PCDHGA9: variants seen among roughly 807,000 people sequenced by gnomAD.
PCDHGA9 encodes protocadherin gamma-A9.
PCDHGA9 carries 37 observed loss-of-function variants against 62.5 expected under a neutral mutation model. The observed-to-expected ratio is 0.59, with a 90% CI of 0.46 to 0.78. The LOEUF (loss-of-function observed/expected upper bound fraction) is 0.78, where lower values mean the gene tolerates loss of function less well. Ranked by LOEUF, PCDHGA9 falls within the 30% of genes least tolerant of loss-of-function variation. The probability of loss-of-function intolerance (pLI) is 0.00; values close to 1 mark genes in which losing one functional copy is unlikely to be tolerated. For synonymous variants in PCDHGA9, 459 were observed against 484.6 expected (o/e 0.95, Z 0.69); for missense variants, 1,138 against 1,166.2 (o/e 0.98, Z 0.35).
intron 1 of PCDHGA9, chr5:141,442,490 T>C (rs2098328971): frequency 6.6e-6 from 1 of 152,222 alleles, no homozygotes; most frequent in South Asian, 2.1e-4. Flanking sequence ...AAGGGGATGA[T>C]TGTGATTATT....
chr5:141,426,363 C>T (rs994657779), intron 1 of PCDHGA9: 12 of 202,404 alleles, frequency 5.9e-5, no homozygotes, highest in East Asian at 4.4e-4. Context: ...CTTTGTTCTG[C>T]GGGGCACCCT....
Position 141,486,239 on chromosome 5 carries a change from C to G in PCDHGA9, c.2425-8568C>G, listed in dbSNP as rs751510109. On this transcript the variant is annotated intron_variant, in intron 1 of 3. Transcript: ENST00000573521. The surrounding 1 kb of genome is among the most constrained non-coding windows in gnomAD (Gnocchi z 5.0). ...CCCTTACATCACAGTGACCTCAGAG[C>G]TTGGAACCCTCCCCGAGAGTGCAGA... 6.2e-7 allele frequency: 1 copy of G among 1,614,160 alleles called. No individual in the cohort carries two copies. Among genetic ancestry groups the G allele is most frequent in the Admixed American group, 1.7e-5 (1 of 60,020 alleles).
rs771884610 is a variant in PCDHGA9, at chr5:141,491,436, G to T, written c.2425-3371G>T. 1 of 1,614,070 alleles carries T rather than the reference G, an allele frequency of 6.2e-7. No individual in the cohort carries two copies. ...ACGGGGGTGGAGGGCAGTGCTGCAGGCGCCAGGACTCACCCTCCCCGGACT... is the reference window on the plus strand; with the variant it reads ...ACGGGGGTGGAGGGCAGTGCTGCAGTCGCCAGGACTCACCCTCCCCGGACT... On this transcript the variant is annotated intron_variant, in intron 1 of 3. Coordinates refer to ENST00000573521, the MANE Select transcript of PCDHGA9 (RefSeq NM_018921.3). The surrounding 1 kb of genome is among the most constrained non-coding windows in gnomAD (Gnocchi z 6.9).
Position 141,485,856 on chromosome 5 carries a change from T to C in PCDHGA9, c.2425-8951T>C. ...CCGCCGAGATCTGGCACCGCAGAGC[T>C]CCGGGTATCCGTGCTGGACGTAAAC... is the stretch of plus-strand genomic sequence containing the variant. On this transcript the variant is annotated intron_variant, in intron 1 of 3. Coordinates refer to ENST00000573521, the MANE Select transcript of PCDHGA9 (RefSeq NM_018921.3). The surrounding 1 kb of genome is among the most constrained non-coding windows in gnomAD (Gnocchi z 5.7). 1 of 1,614,108 alleles carries C rather than the reference T, an allele frequency of 6.2e-7. No individual in the cohort carries two copies. The highest frequency in any genetic ancestry group is 8.5e-7 in the Non-Finnish European group (1 of 1,180,014).
rs376101780 is a variant in PCDHGA9, at chr5:141,485,901, A to G, written c.2425-8906A>G. 3 of 1,614,026 alleles carry G rather than the reference A, an allele frequency of 1.9e-6. No homozygotes were observed. In the African/African-American group the frequency reaches 4.0e-5, roughly 22 times the overall value. Reference sequence around the variant, plus strand: ...GTAAACGACAACGCCCCAGCCTTCCAGCAATCCAGCTACAGGATTAGTGTG... The same window carrying G: ...GTAAACGACAACGCCCCAGCCTTCCGGCAATCCAGCTACAGGATTAGTGTG... On this transcript the variant is annotated intron_variant, in intron 1 of 3. Coordinates refer to ENST00000573521, the MANE Select transcript of PCDHGA9 (RefSeq NM_018921.3). This position sits in a 1 kb window ranked among gnomAD's most constrained non-coding sequence, Gnocchi z 5.7.
intron 1 of PCDHGA9, chr5:141,418,422 G>A: frequency 6.2e-7 from 1 of 1,613,996 alleles, no homozygotes; most frequent in East Asian, 2.2e-5. Context: ...AATCCTGATG[G>A]TGGCAAATAT....
chr5:141,414,334 A>G, intron 1 of PCDHGA9: 6 of 1,613,782 alleles, frequency 3.7e-6, no homozygotes, highest in Non-Finnish European at 5.1e-6. Flanking sequence ...TGGACAGGTA[A>G]CCTGTTCCAT....
chr5:141,437,355 A>C (rs2097877902), intron 1 of PCDHGA9, among the ~76,000 whole-genome samples: 1 of 152,238 alleles, frequency 6.6e-6, no homozygotes, highest in Non-Finnish European at 1.5e-5. Flanking sequence ...ATAGTACCTA[A>C]AATTGGAATG....
rs2099085120 is a variant in PCDHGA9, at chr5:141,464,455, T to C, written c.2425-30352T>C. Among the ~76,000 whole-genome samples, 2 of 151,794 alleles carry C rather than the reference T, an allele frequency of 1.3e-5. 1 individual carries two copies. Among genetic ancestry groups the C allele is most frequent in the Non-Finnish European group, 2.9e-5 (2 of 67,958 alleles). On this transcript the variant is annotated intron_variant, in intron 1 of 3. Coordinates refer to ENST00000573521, the MANE Select transcript of PCDHGA9 (RefSeq NM_018921.3). ...TATATGTTTGTTGTTGTTGTTGTTA[T>C]TTTTGAAGTATGTACGTATAATAAA...
intron 1 of PCDHGA9, among the ~76,000 whole-genome samples, chr5:141,452,745 GGAA>G (rs2098748194): frequency 6.6e-6 from 1 of 152,054 alleles, no homozygotes; most frequent in Non-Finnish European, 1.5e-5. Flanking sequence ...AGAGAGAGAA[GGAA>G]GAAGGAAGGG....
chr5:141,447,168 T>C (rs1027377060), intron 1 of PCDHGA9, among the ~76,000 whole-genome samples: 2 of 152,174 alleles, frequency 1.3e-5, no homozygotes, highest in Non-Finnish European at 2.9e-5. Context: ...AAGCGGGGTC[T>C]TGCTCTTGTC....
intron 1 of PCDHGA9, chr5:141,408,120 C>T (rs1375123891): frequency 3.4e-6 from 5 of 1,475,704 alleles, no homozygotes. Flanking sequence ...TCCTCCTGTC[C>T]TGGGCCGAAT....
At position 141,500,184 on chromosome 5, in the gene PCDHGA9, TTTTATTTATTTATTTA is replaced by T. The variant is rs58019021; in HGVS notation, c.2484-5182_2484-5167del. Among the ~76,000 whole-genome samples the T allele has an allele frequency of 2.1e-3, 289 of 135,964 alleles. 1 individual carries two copies. Among genetic ancestry groups the T allele is most frequent in the Middle Eastern group, 0.016 (4 of 248 alleles). The allele number at this position is 135,964 out of a possible 152,430, so 89.2% of individuals were successfully genotyped here. A position where few individuals can be genotyped will look rare whatever the true frequency, so the allele number is the denominator to read the frequency against. On this transcript the variant is annotated intron_variant, in intron 2 of 3. Coordinates refer to ENST00000573521, the MANE Select transcript of PCDHGA9 (RefSeq NM_018921.3). ...GAACATGCATGAGCTTCATTTTTAT[TTTTATTTATTTATTTA>T]TTTATTTATTTATTTATTTATTTAT...
chr5:141,511,428 G>T lies in PCDHGA9; in HGVS notation c.*255G>T. 1 of 769,024 alleles carries T rather than the reference G, an allele frequency of 1.3e-6. No homozygotes were observed. The highest frequency in any genetic ancestry group is 2.0e-6 in the Non-Finnish European group (1 of 504,448). 47.6% of individuals were successfully genotyped at this position (769,024 alleles called of 1,614,324 possible). ...ACTGCTGTACCCATGGGGGTAGTGG[G>T]GTTACTGTAGACACCAAGAACCATT... On this transcript the variant is annotated 3_prime_UTR_variant, in exon 4 of 4. Transcript: ENST00000573521.
chr5:141,456,229 C>G (rs191169523), intron 1 of PCDHGA9, among the ~76,000 whole-genome samples: 9 of 152,234 alleles, frequency 5.9e-5, no homozygotes, highest in African/African-American at 1.7e-4. Context: ...ATCAAACTAA[C>G]TGCTGTTAGG....
intron 1 of PCDHGA9, among the ~76,000 whole-genome samples, chr5:141,464,222 G>A (rs1189319398): frequency 2.7e-5 from 4 of 147,818 alleles, no homozygotes; most frequent in African/African-American, 7.5e-5. Flanking sequence ...CTGAGATTGC[G>A]CCACTGCACT....
intron 1 of PCDHGA9, chr5:141,441,621 G>C (rs2098260273): frequency 9.0e-6 from 2 of 223,292 alleles, no homozygotes; most frequent in Non-Finnish European, 1.8e-5. Flanking sequence ...CGTGGCCAGT[G>C]ACCTGGAGCC....
Position 141,477,029 on chromosome 5 carries a change from A to G in PCDHGA9, c.2425-17778A>G. 6.2e-7 allele frequency: 1 copy of G among 1,614,238 alleles called. No homozygotes were observed. The highest frequency in any genetic ancestry group is 8.5e-7 in the Non-Finnish European group (1 of 1,180,040). ...CTTAGACCTTGTAACCGGGATGCTG[A>G]CAATCAAGGGTCGGCTGGACTTCGA... On this transcript the variant is annotated intron_variant, in intron 1 of 3. Coordinates refer to ENST00000573521, the MANE Select transcript of PCDHGA9 (RefSeq NM_018921.3). The surrounding 1 kb of genome is among the most constrained non-coding windows in gnomAD (Gnocchi z 4.9).
At chr5:141,456,020 C>A (rs2098840631) in intron 1 of PCDHGA9, among the ~76,000 whole-genome samples, 2 of 151,952 alleles carry the variant, frequency 1.3e-5, no homozygotes, top group South Asian at 4.2e-4. Flanking sequence ...GCCTCAGCCT[C>A]CCGAGTAGCT....
Sources: gnomAD v4.1 joint callset for allele counts (sites outside exome capture counted in the v4.1 genomes callset) on GRCh38, gnomAD v4.1.1 for gene constraint, Gnocchi (gnomAD v3.1) non-coding constraint, MANE v1.5 for transcripts, NCBI Gene and HGNC (gene_info 2026-07-23, HGNC 2026-07-21) for gene names.